Variants in XYLT1 observed in about 807,000 individuals in gnomAD.
XYLT1 encodes xylosyltransferase 1, also known as beta-D-xylosyltransferase 1.
In XYLT1, 36 loss-of-function variants were observed where a neutral mutation model predicts 91.3. The observed-to-expected ratio is 0.39, with a 90% CI of 0.30 to 0.52. The LOEUF is 0.52. XYLT1 is among the 20% of genes least tolerant of loss of function. XYLT1 has a pLI of 0.68. For synonymous variants in XYLT1, 588 were observed against 532.0 expected, an observed-to-expected ratio of 1.11 and a Z score of -1.45; for missense variants, 1,242 against 1,284.5, an observed-to-expected ratio of 0.97 and a Z score of 0.51.
chr16:17,295,505 G>A (rs2034296694), intron 2 of XYLT1, among the ~76,000 whole-genome samples: 1 of 152,226 alleles, frequency 6.6e-6, no homozygotes, highest in African/African-American at 2.4e-5. Flanking sequence ...ACAGGTGTGT[G>A]CTGCCATGCC....
At chr16:17,122,606 A>G (rs1247160216) in intron 10 of XYLT1, among the ~76,000 whole-genome samples, 1 of 152,146 alleles carries the variant, frequency 6.6e-6, no homozygotes, top group African/African-American at 2.4e-5. Context: ...CTATCTACTT[A>G]TCTTTGTTTT....
intron 2 of XYLT1, among the ~76,000 whole-genome samples, chr16:17,298,226 G>A (rs1456591797): frequency 1.3e-5 from 2 of 152,052 alleles, no homozygotes; most frequent in African/African-American, 4.8e-5. Context: ...ATGAGGAGAC[G>A]GATGGTGTCA....
intron 2 of XYLT1, among the ~76,000 whole-genome samples, chr16:17,347,546 G>C (rs1164915090): frequency 6.6e-6 from 1 of 152,158 alleles, no homozygotes; most frequent in Non-Finnish European, 1.5e-5. Flanking sequence ...TGACAGCTAT[G>C]ATCTTCTCTC....
At chr16:17,370,744 C>T (rs1310968271) in intron 1 of XYLT1, among the ~76,000 whole-genome samples, 1 of 152,212 alleles carries the variant, frequency 6.6e-6, no homozygotes, top group Non-Finnish European at 1.5e-5. Context: ...ACATAGGATG[C>T]CAATACTTCA....
intron 3 of XYLT1, among the ~76,000 whole-genome samples, chr16:17,226,096 C>T (rs947083212): frequency 2.0e-5 from 3 of 152,144 alleles, no homozygotes; most frequent in Non-Finnish European, 4.4e-5. Context: ...GAACTATTAT[C>T]CTTGGAGGCT....
intron 3 of XYLT1, among the ~76,000 whole-genome samples, chr16:17,206,620 C>T (rs1180162687): frequency 2.0e-5 from 3 of 152,112 alleles, no homozygotes; most frequent in Admixed American, 2.0e-4. Context: ...TCTGTAATTC[C>T]AGCTACCCTG....
At chr16:17,256,753 A>G (rs915819984) in intron 3 of XYLT1, among the ~76,000 whole-genome samples, 3 of 152,052 alleles carry the variant, frequency 2.0e-5, no homozygotes, top group African/African-American at 7.2e-5. Flanking sequence ...TCCTTTCTTC[A>G]TCAAGAGAGT....
intron 3 of XYLT1, among the ~76,000 whole-genome samples, chr16:17,256,497 A>G (rs1362760414): frequency 6.6e-6 from 1 of 152,006 alleles, no homozygotes; most frequent in Non-Finnish European, 1.5e-5. Context: ...CTAAAAATAC[A>G]AAAATTAGCT....
At chr16:17,398,735 G>A (rs539945523) in intron 1 of XYLT1, among the ~76,000 whole-genome samples, 12 of 150,978 alleles carry the variant, frequency 7.9e-5, no homozygotes, top group African/African-American at 2.9e-4. Context: ...ATGTTCCTTC[G>A]CTTGTAGATA....
intron 5 of XYLT1, among the ~76,000 whole-genome samples, chr16:17,170,118 G>A (rs990074688): frequency 6.6e-6 from 1 of 152,180 alleles, no homozygotes; most frequent in Non-Finnish European, 1.5e-5. Flanking sequence ...TGTGTTGTGG[G>A]TATGGTACAT....
In XYLT1 at chr16:17,117,897, A is replaced by C; in HGVS notation, c.2306T>G (p.Met769Arg). 1 of 1,614,106 alleles carries C rather than the reference A, an allele frequency of 6.2e-7. No homozygotes were observed. The highest frequency in any genetic ancestry group is 1.1e-5 in the South Asian group (1 of 91,070). The stretch of plus-strand genomic sequence containing the variant: ...ATTAGGTCCCTTCCCCCACTTCTGC[A>C]TACCCACCGGCTCATCCATGGGCCC... ...LLGPMDEPVG[M>R]QKWGKGPNVT... The change falls in exon 11 of 12, where the codon ATG becomes AGG. Residue 769 changes from methionine (M) to arginine (R), a missense_variant. Met to Arg is a moderately conservative substitution (Grantham distance 91). Transcript: ENST00000261381.
intron 5 of XYLT1, among the ~76,000 whole-genome samples, chr16:17,176,730 A>G (rs2031952014): frequency 6.6e-6 from 1 of 152,236 alleles, no homozygotes; most frequent in Admixed American, 6.5e-5. Flanking sequence ...GGAGGCATTT[A>G]GCCTGGTGGA....
chr16:17,327,701 T>C (rs2034833956), intron 2 of XYLT1, among the ~76,000 whole-genome samples: 2 of 149,560 alleles, frequency 1.3e-5, no homozygotes, highest in African/African-American at 4.9e-5. Context: ...CTTTTCATAA[T>C]TGATCACAAT....
chr16:17,179,595 G>A (rs1446632117), intron 5 of XYLT1, among the ~76,000 whole-genome samples: 1 of 152,144 alleles, frequency 6.6e-6, no homozygotes, highest in Admixed American at 6.5e-5. Context: ...TGAGCATGGA[G>A]GATGCACAAC....
intron 3 of XYLT1, among the ~76,000 whole-genome samples, chr16:17,219,280 C>CAAAAAAAAAAAAAAA (rs369055155): frequency 1.2e-4 from 10 of 85,056 alleles, no homozygotes; most frequent in Non-Finnish European, 1.3e-4. Flanking sequence ...GACTTTGTCT[C>CAAAAAAAAAAAAAAA]AAAAAAAAAA....
intron 2 of XYLT1, among the ~76,000 whole-genome samples, chr16:17,268,232 T>C (rs116460102): frequency 0.018 from 2,738 of 152,274 alleles, 76 homozygotes; most frequent in African/African-American, 0.061. Flanking sequence ...TTGCAAAAAA[T>C]GTAAAACAGT....
At chr16:17,171,901 C>T (rs896984497) in intron 5 of XYLT1, among the ~76,000 whole-genome samples, 4 of 152,214 alleles carry the variant, frequency 2.6e-5, no homozygotes, top group Admixed American at 1.3e-4. Context: ...TTCCAGTTCT[C>T]CTTTAGGAGA....
chr16:17,237,578 C>T (rs951598272), intron 3 of XYLT1, among the ~76,000 whole-genome samples: 2 of 152,154 alleles, frequency 1.3e-5, no homozygotes, highest in Non-Finnish European at 2.9e-5. Flanking sequence ...GTGAAGTGTG[C>T]CTGTGGCAAA....
chr16:17,356,901 A>G (rs919532273), intron 2 of XYLT1, among the ~76,000 whole-genome samples: 9 of 152,166 alleles, frequency 5.9e-5, no homozygotes, highest in South Asian at 2.1e-4. Context: ...CACTTGCCGG[A>G]CGCAGTGGCT....
Sources: allele counts gnomAD v4.1 joint callset (sites outside exome capture counted in the v4.1 genomes callset), GRCh38; gene constraint gnomAD v4.1.1; transcripts MANE v1.5; gene names NCBI Gene and HGNC (gene_info 2026-07-23, HGNC 2026-07-21).